Variants in SPATA17 observed in about 807,000 individuals in gnomAD.
The protein encoded by SPATA17 is spermatogenesis-associated protein 17.
In SPATA17, 53 loss-of-function variants were observed where a neutral mutation model predicts 62.2. The ratio of observed to expected loss-of-function variants is 0.85; its 90% CI spans 0.68 to 1.07. SPATA17 has a LOEUF of 1.07. SPATA17 is among the 50% of genes least tolerant of loss of function. The pLI is 0.00. For synonymous variants in SPATA17, 146 were observed against 146.8 expected (o/e 0.99, Z 0.04); for missense variants, 466 against 425.5 (o/e 1.10, Z -0.84).
At chr1:217,700,641 C>T (rs1361944658) in intron 5 of SPATA17, among the ~76,000 whole-genome samples, 5 of 151,802 alleles carry the variant, frequency 3.3e-5, no homozygotes, top group Admixed American at 6.6e-5. Flanking sequence ...GGCTGGAGTG[C>T]AATGGTGCGA....
intron 8 of SPATA17, among the ~76,000 whole-genome samples, chr1:217,796,606 T>C (rs1674157197): frequency 6.6e-6 from 1 of 152,192 alleles, no homozygotes; most frequent in Non-Finnish European, 1.5e-5. Flanking sequence ...GTTTTAAATT[T>C]GTACTATGAA....
intron 8 of SPATA17, chr1:217,784,898 T>G (rs940101875): frequency 6.6e-6 from 1 of 152,154 alleles, no homozygotes; most frequent in Admixed American, 6.5e-5. Flanking sequence ...CTAAGTGTAT[T>G]TGTTTGCTAG....
intron 3 of SPATA17, among the ~76,000 whole-genome samples, chr1:217,655,980 T>A (rs1001549431): frequency 2.6e-5 from 4 of 152,034 alleles, no homozygotes; most frequent in African/African-American, 9.7e-5. Context: ...TGGGTTCAAG[T>A]GATTCTCCTG....
Position 217,774,416 on chromosome 1 carries a change from A to G in SPATA17, c.602A>G (p.His201Arg). ...LQLQKAKPLT[H>R]RRPKVKQKDS... ...TTACAGAAGGCAAAGCCTTTAACACACCGAAGACCTAAAGTTAAGCAGAAG... is the reference window on the plus strand; with the variant it reads ...TTACAGAAGGCAAAGCCTTTAACACGCCGAAGACCTAAAGTTAAGCAGAAG... Residue 201 changes from histidine to arginine, a missense_variant, in exon 7 of 11, where the codon CAC becomes CGC. Physicochemically the swap from His to Arg is conservative, Grantham distance 29. Coordinates refer to ENST00000366933, the MANE Select transcript of SPATA17 (RefSeq NM_138796.4). 6.2e-7 allele frequency: 1 copy of G among 1,614,048 alleles called. No homozygotes were observed. The highest frequency in any genetic ancestry group is 8.5e-7 in the Non-Finnish European group (1 of 1,179,962).
At chr1:217,760,701 A>G (rs1328456417) in intron 6 of SPATA17, among the ~76,000 whole-genome samples, 1 of 152,152 alleles carries the variant, frequency 6.6e-6, no homozygotes, top group Non-Finnish European at 1.5e-5. Flanking sequence ...ATATTATTAC[A>G]TTTTCTTTAA....
At chr1:217,702,030 G>GTATA (rs1436496491) in intron 5 of SPATA17, among the ~76,000 whole-genome samples, 1 of 109,478 alleles carries the variant, frequency 9.1e-6, no homozygotes, top group Non-Finnish European at 2.1e-5. Context: ...CTAAAATTTG[G>GTATA]TGTATATATA....
At chr1:217,640,228 T>C (rs1670029391) in intron 1 of SPATA17, among the ~76,000 whole-genome samples, 2 of 152,022 alleles carry the variant, frequency 1.3e-5, no homozygotes, top group Non-Finnish European at 2.9e-5. Context: ...TCCATCCTTT[T>C]CTTACTAGTT....
chr1:217,720,328 A>G lies in SPATA17; in HGVS notation c.396-21647A>G, dbSNP rs114892973. Among the ~76,000 whole-genome samples, 288 of 152,326 alleles carry G rather than the reference A, an allele frequency of 1.9e-3. 2 individuals are homozygous for G. The highest frequency in any genetic ancestry group is 6.6e-3 in the African/African-American group (276 of 41,562). ...AAAATTTCATAGATTTGATCACTCA[A>G]TGTTCATTCCAACACTGCAACTTAA... is the stretch of plus-strand genomic sequence containing the variant. On this transcript the variant is annotated intron_variant, in intron 5 of 10. Coordinates refer to ENST00000366933, the MANE Select transcript of SPATA17 (RefSeq NM_138796.4).
chr1:217,762,613 G>T lies in SPATA17; in HGVS notation c.520-11721G>T, dbSNP rs181465786. Among the ~76,000 whole-genome samples, 263 of 152,238 alleles carry T rather than the reference G, an allele frequency of 1.7e-3. 3 individuals are homozygous for T. Among genetic ancestry groups the T allele is most frequent in the Admixed American group, 0.015 (229 of 15,272 alleles). ...GGTCACGATAGATTGTCTACTCTAT[G>T]CCAGTTATGGAGATAAGCAATAGTT... On this transcript the variant is annotated intron_variant, in intron 6 of 10. Coordinates refer to ENST00000366933, the MANE Select transcript of SPATA17 (RefSeq NM_138796.4).
Position 217,782,225 on chromosome 1 carries a change from G to A in SPATA17, c.775G>A (p.Glu259Lys), listed in dbSNP as rs374587160. Residue 259 changes from glutamate to lysine, a missense_variant, in exon 8 of 11, where the codon GAG becomes AAG. Coordinates refer to ENST00000366933, the MANE Select transcript of SPATA17 (RefSeq NM_138796.4). ...ATTAGAACAACGCTACAGGCCTTTG[G>A]AGCCAACGTTGCGGGTGGCAGAACC... Reference protein sequence around the residue: ...EVLEQRYRPLEPTLRVAEPID... With the variant: ...EVLEQRYRPLKPTLRVAEPID... 1.9e-5 allele frequency: 30 copies of A among 1,612,738 alleles called. No individual in the cohort carries two copies. Among genetic ancestry groups the A allele is most frequent in the Non-Finnish European group, 2.4e-5 (28 of 1,179,278 alleles).
At chr1:217,766,075 A>G (rs1673293296) in intron 6 of SPATA17, among the ~76,000 whole-genome samples, 1 of 151,742 alleles carries the variant, frequency 6.6e-6, no homozygotes, top group African/African-American at 2.4e-5. Flanking sequence ...TTTCTTTTAG[A>G]CTACTTATAA....
intron 6 of SPATA17, among the ~76,000 whole-genome samples, chr1:217,759,931 T>C (rs1287412980): frequency 6.6e-6 from 1 of 152,196 alleles, no homozygotes; most frequent in Non-Finnish European, 1.5e-5. Context: ...GTCCTTATTT[T>C]AAATACTACA....
intron 6 of SPATA17, among the ~76,000 whole-genome samples, chr1:217,748,344 T>C (rs1368129264): frequency 1.3e-5 from 2 of 151,496 alleles, no homozygotes; most frequent in African/African-American, 4.8e-5. Flanking sequence ...CCATAATTAA[T>C]TGATAGTCTG....
chr1:217,851,797 G>T (rs1399481561), intron 9 of SPATA17, among the ~76,000 whole-genome samples: 1 of 152,090 alleles, frequency 6.6e-6, no homozygotes, highest in African/African-American at 2.4e-5. Flanking sequence ...TGAAGACAAG[G>T]CAATATTGCT....
chr1:217,688,059 AC>A (rs1276171421), intron 5 of SPATA17, among the ~76,000 whole-genome samples: 1 of 151,958 alleles, frequency 6.6e-6, no homozygotes, highest in East Asian at 1.9e-4. Flanking sequence ...AATTGAACTT[AC>A]CTCTTAACTT....
intron 5 of SPATA17, among the ~76,000 whole-genome samples, chr1:217,737,056 A>G (rs572168485): frequency 3.9e-4 from 59 of 152,204 alleles, no homozygotes; most frequent in Non-Finnish European, 7.5e-4. Context: ...TGATAGCTAA[A>G]TACAATACTG....
At chr1:217,717,370 A>C (rs1253927135) in intron 5 of SPATA17, among the ~76,000 whole-genome samples, 9 of 152,098 alleles carry the variant, frequency 5.9e-5, no homozygotes, top group Admixed American at 5.9e-4. Context: ...AACACTTTGG[A>C]AGGCTGAAAG....
chr1:217,749,981 CTCTCTATATATA>C (rs1307051785), intron 6 of SPATA17, among the ~76,000 whole-genome samples: 12 of 27,022 alleles, frequency 4.4e-4, no homozygotes, highest in African/African-American at 1.5e-3. Context: ...CTCTCTCTCT[CTCTCTATATATA>C]TATATATATA....
At chr1:217,830,118 G>A (rs1230525195) in intron 9 of SPATA17, among the ~76,000 whole-genome samples, 1 of 151,672 alleles carries the variant, frequency 6.6e-6, no homozygotes, top group Non-Finnish European at 1.5e-5. Context: ...TACTTCTAAG[G>A]CAAATATGTG....
Sources: allele counts gnomAD v4.1 joint callset (sites outside exome capture counted in the v4.1 genomes callset), GRCh38; gene constraint gnomAD v4.1.1; transcripts MANE v1.5; gene names NCBI Gene and HGNC (gene_info 2026-07-23, HGNC 2026-07-21).